The following RNF38 variants were observed in gnomAD, a reference collection of about 807,000 sequenced individuals.
RNF38 encodes the protein E3 ubiquitin-protein ligase RNF38.
RNF38 carries 15 observed loss-of-function variants against 67.2 expected under a neutral mutation model. The ratio of observed to expected loss-of-function variants is 0.22; its 90% CI spans 0.15 to 0.34. RNF38 has a LOEUF of 0.34. Among genes scored for constraint, RNF38 ranks in the 10% least tolerant of loss-of-function variants. RNF38 has a pLI of 1.00. For missense variants in RNF38, 524 were observed against 639.9 expected, an observed-to-expected ratio of 0.82 and a Z score of 1.95; for synonymous variants, 220 against 218.8, an observed-to-expected ratio of 1.01 and a Z score of -0.05.
At chr9:36,427,095 G>A (rs1017480953) in intron 1 of RNF38, among the ~76,000 whole-genome samples, 1 of 152,176 alleles carries the variant, frequency 6.6e-6, no homozygotes, top group African/African-American at 2.4e-5. Flanking sequence ...TGAGGAGGAA[G>A]GGGAAGAGAT....
At chr9:36,477,821 C>CAAAAAA (rs34504795) in intron 1 of RNF38, among the ~76,000 whole-genome samples, 2 of 110,408 alleles carry the variant, frequency 1.8e-5, no homozygotes, top group East Asian at 2.8e-4. Flanking sequence ...GACTCTGTCT[C>CAAAAAA]AAAAAAAAAA....
At position 36,390,473 on chromosome 9, in the gene RNF38, G is replaced by T; in HGVS notation, c.156C>A (p.Phe52Leu). Residue 52 changes from phenylalanine (F) to leucine (L), a missense_variant, in exon 2 of 12, where the codon TTC (phenylalanine) becomes TTA (leucine). By Grantham distance (22) the Phe-to-Leu change is conservative. Transcript: ENST00000259605. ...AGGGTAAATATATAAGAACCTGGAA[G>T]AAAGCTTTGAAGTGAGCATCCTCTT... Reference protein sequence around the residue: ...TVQEDAHFKAFFQSEDSPSPK... With the variant: ...TVQEDAHFKALFQSEDSPSPK... 6.2e-7 allele frequency: 1 copy of T among 1,612,144 alleles called. No individual in the cohort carries two copies. The highest frequency in any genetic ancestry group is 8.5e-7 in the Non-Finnish European group (1 of 1,179,300).
At chr9:36,487,425 G>T in exon 1 of RNF38, 7 of 981,164 alleles carry the variant, frequency 7.1e-6, no homozygotes, top group Non-Finnish European at 8.5e-6. Context: ...GGCGGCGGTG[G>T]GGGGCGCGGG....
At chr9:36,369,499 G>A (rs915089594) in intron 4 of RNF38, among the ~76,000 whole-genome samples, 12 of 152,154 alleles carry the variant, frequency 7.9e-5, no homozygotes, top group Non-Finnish European at 1.3e-4. Flanking sequence ...TTACAGGCAT[G>A]AGCCACCGTG....
At chr9:36,460,667 C>A (rs1355268210) in intron 1 of RNF38, among the ~76,000 whole-genome samples, 1 of 152,022 alleles carries the variant, frequency 6.6e-6, no homozygotes, top group Non-Finnish European at 1.5e-5. Flanking sequence ...GCAGGCAGAT[C>A]AGCTGAGGTT....
chr9:36,347,904 G>A (rs564093395), intron 9 of RNF38, among the ~76,000 whole-genome samples: 28 of 152,004 alleles, frequency 1.8e-4, no homozygotes, highest in East Asian at 5.8e-4. Context: ...GTGAAACCCC[G>A]TCTCTACTAA....
At chr9:36,391,588 C>CA (rs1293337819) in intron 1 of RNF38, among the ~76,000 whole-genome samples, 1 of 149,110 alleles carries the variant, frequency 6.7e-6, no homozygotes, top group African/African-American at 2.5e-5. Context: ...GGCATTAAAC[C>CA]AAAAACAAAG....
upstream of RNF38, chr9:36,401,336 C>A: frequency 4.1e-6 from 2 of 482,392 alleles, no homozygotes; most frequent in Non-Finnish European, 5.3e-6. Context: ...GACCGCAGGG[C>A]CCTGTTCCAA....
At chr9:36,424,120 C>T (rs963057557) in intron 2 of RNF38, among the ~76,000 whole-genome samples, 5 of 152,200 alleles carry the variant, frequency 3.3e-5, no homozygotes, top group Middle Eastern at 3.4e-3. Context: ...TGAACCAGAT[C>T]GATTCAACTG....
At chr9:36,425,884 G>C (rs1838756993) in intron 1 of RNF38, among the ~76,000 whole-genome samples, 3 of 152,190 alleles carry the variant, frequency 2.0e-5, no homozygotes, top group Non-Finnish European at 4.4e-5. Context: ...TTTTAGTAGA[G>C]ACGGGGTTTC....
chr9:36,453,556 A>G (rs1053455842), intron 1 of RNF38, among the ~76,000 whole-genome samples: 1 of 151,844 alleles, frequency 6.6e-6, no homozygotes, highest in Non-Finnish European at 1.5e-5. Context: ...CTAATTTTCT[A>G]TATTTTTAGT....
intron 2 of RNF38, among the ~76,000 whole-genome samples, chr9:36,417,141 T>C (rs1838496145): frequency 6.6e-6 from 1 of 152,166 alleles, no homozygotes; most frequent in East Asian, 1.9e-4. Context: ...TCCCATGATC[T>C]GGATTTTCAG....
chr9:36,458,425 T>C (rs1587174916), intron 1 of RNF38, among the ~76,000 whole-genome samples: 1 of 152,188 alleles, frequency 6.6e-6, no homozygotes, highest in African/African-American at 2.4e-5. Flanking sequence ...TCTTTTGCTC[T>C]TCACAGTAGA....
intron 1 of RNF38, among the ~76,000 whole-genome samples, chr9:36,461,034 G>A (rs1170596086): frequency 1.3e-5 from 2 of 152,108 alleles, no homozygotes; most frequent in Non-Finnish European, 2.9e-5. Context: ...CCAACATGGG[G>A]GAAACCCCGT....
At position 36,339,682 on chromosome 9, in the gene RNF38, A is replaced by G; in HGVS notation, c.*70T>C. ...GGAGGGCTGGAAGCCACACAGATTA[A>G]GTTCAATGGATAGTCCGTATATACA... On this transcript the variant is annotated 3_prime_UTR_variant, in exon 12 of 12. Transcript: ENST00000259605. 2.4e-6 allele frequency: 3 copies of G among 1,254,730 alleles called. No homozygotes were observed. Among genetic ancestry groups the G allele is most frequent in the Middle Eastern group, 1.9e-4 (1 of 5,394 alleles). The allele number at this position is 1,254,730 out of a possible 1,614,324, so 77.7% of individuals were successfully genotyped here.
chr9:36,414,977 C>T (rs1204265129), intron 2 of RNF38, among the ~76,000 whole-genome samples: 1 of 152,076 alleles, frequency 6.6e-6, no homozygotes, highest in Non-Finnish European at 1.5e-5. Flanking sequence ...TCTTAAGGTT[C>T]TTTTCTTCAT....
chr9:36,400,714 A>C (rs991435473), upstream of RNF38: 4 of 985,584 alleles, frequency 4.1e-6, no homozygotes, highest in Non-Finnish European at 4.8e-6. Flanking sequence ...AGGCACTGTC[A>C]CTGCGCTTCC....
In RNF38 at chr9:36,351,168, G is replaced by T; in HGVS notation, c.1210C>A (p.Pro404Thr). The T allele has an allele frequency of 6.2e-7, 1 of 1,613,082 alleles. No homozygotes were observed. Residue 404 changes from proline to threonine, a missense_variant, in exon 9 of 12, where the codon CCA (proline) becomes ACA (threonine). Coordinates refer to ENST00000259605, the MANE Select transcript of RNF38 (RefSeq NM_022781.5). ...SMLPVPPAVGPTFSFELDVED... is the reference protein window; with the variant it reads ...SMLPVPPAVGTTFSFELDVED... ...ACATCTAATTCAAAGCTGAAAGTTG[G>T]GCCCACTGCAGGTGGCACTGGAAGC...
At chr9:36,400,916 C>G (rs1292794451), upstream of RNF38, 2 of 981,594 alleles carry the variant, frequency 2.0e-6, no homozygotes, top group African/African-American at 1.8e-5. Context: ...CCCGCCGCGC[C>G]CCGCCGCACC....
Sources: allele counts gnomAD v4.1 joint callset (sites outside exome capture counted in the v4.1 genomes callset), GRCh38; gene constraint gnomAD v4.1.1; transcripts MANE v1.5; gene names NCBI Gene and HGNC (gene_info 2026-07-23, HGNC 2026-07-21).